DNAI2: variants seen among roughly 807,000 people sequenced by gnomAD.
DNAI2 encodes the protein dynein axonemal intermediate chain 2.
DNAI2 carries 63 observed loss-of-function variants against 74.7 expected under a neutral mutation model. The observed-to-expected ratio is 0.84, with a 90% CI of 0.69 to 1.04. The LOEUF (loss-of-function observed/expected upper bound fraction) is 1.04. DNAI2 is among the 50% of genes least tolerant of loss of function. The pLI is 0.00. For missense variants in DNAI2, 688 were observed against 803.2 expected (o/e 0.86, Z 1.73); for synonymous variants, 289 against 314.9 (o/e 0.92, Z 0.87).
At chr17:74,275,537 C>T (rs2051015898) in intron 1 of DNAI2, among the ~76,000 whole-genome samples, 2 of 152,246 alleles carry the variant, frequency 1.3e-5, no homozygotes, top group South Asian at 4.1e-4. Flanking sequence ...CCAGCCTGCC[C>T]AACATGGTGA....
chr17:74,305,188 G>T (rs1482522101), intron 8 of DNAI2, 31 bp from the exon 9 acceptor site: 1 of 1,610,788 alleles, frequency 6.2e-7, no homozygotes, highest in African/African-American at 1.3e-5. Flanking sequence ...GGTTCGTGGA[G>T]TCTTCCCCTC....
chr17:74,279,489 T>TAA (rs199832373), intron 1 of DNAI2, among the ~76,000 whole-genome samples: 1 of 151,304 alleles, frequency 6.6e-6, no homozygotes, highest in African/African-American at 2.4e-5. Flanking sequence ...AATTAAAAAT[T>TAA]AAAAAAAAAT....
chr17:74,291,461 G>T (rs1266742371), intron 6 of DNAI2, among the ~76,000 whole-genome samples: 1 of 152,228 alleles, frequency 6.6e-6, no homozygotes, highest in Admixed American at 6.5e-5. Context: ...ACCACACCTG[G>T]CCGGGACCCA....
rs1440997356 is a variant in DNAI2, at chr17:74,311,904, C to T, written c.1495-99C>T. The stretch of plus-strand genomic sequence containing the variant: ...TACAGTACAGGGACTGTATGGAGAG[C>T]AAGGAGAGCTCAGCAGAAGCCCCAC... On this transcript the variant is annotated intron_variant, in intron 11 of 13. Coordinates refer to ENST00000311014, the MANE Select transcript of DNAI2 (RefSeq NM_023036.6). 6 of 1,139,244 alleles carry T rather than the reference C, an allele frequency of 5.3e-6. No individual in the cohort carries two copies. The East Asian group carries it at 1.5e-4, about 29-fold the overall frequency. 70.6% of individuals were successfully genotyped at this position (1,139,244 alleles called of 1,614,324 possible). A position where few individuals can be genotyped will look rare whatever the true frequency, so the allele number is the denominator to read the frequency against.
chr17:74,308,156 A>G (rs1163873508), intron 9 of DNAI2, among the ~76,000 whole-genome samples: 1 of 152,128 alleles, frequency 6.6e-6, no homozygotes, highest in African/African-American at 2.4e-5. Flanking sequence ...TCAACACACT[A>G]GGTTTGCAAA....
chr17:74,307,814 T>G lies in DNAI2; in HGVS notation c.1212-1439T>G, dbSNP rs544546976. Among the ~76,000 whole-genome samples the G allele has an allele frequency of 2.5e-4, 38 of 152,286 alleles. No individual in the cohort carries two copies. The East Asian group carries it at 4.4e-3, about 18-fold the overall frequency. ...AAAAATCTCCAGATGTTTCTTTTTT[T>G]GGGGGGATGAAGTCTCTTTGTTGCC... On this transcript the variant is annotated intron_variant, in intron 9 of 13. Transcript: ENST00000311014.
At chr17:74,286,821 A>G (rs1054767214) in intron 3 of DNAI2, among the ~76,000 whole-genome samples, 156 bp from the exon 4 acceptor site, 5 of 152,156 alleles carry the variant, frequency 3.3e-5, no homozygotes, top group African/African-American at 1.2e-4. Flanking sequence ...TTTTACCCCC[A>G]GGAACCAATT....
At chr17:74,297,374 G>A (rs1239244636) in intron 6 of DNAI2, among the ~76,000 whole-genome samples, 2 of 150,398 alleles carry the variant, frequency 1.3e-5, no homozygotes, top group African/African-American at 2.5e-5. Flanking sequence ...TTACAGGCAT[G>A]AGCCACCGTG....
At chr17:74,294,772 G>A (rs2052336283) in intron 6 of DNAI2, among the ~76,000 whole-genome samples, 3 of 152,128 alleles carry the variant, frequency 2.0e-5, no homozygotes, top group Admixed American at 6.6e-5. Context: ...TCTTGGATGT[G>A]TAGATTATTT....
chr17:74,305,233 G>A lies in DNAI2; in HGVS notation c.1002G>A (p.Met334Ile). 3.7e-6 allele frequency: 6 copies of A among 1,614,172 alleles called. No homozygotes were observed. Among genetic ancestry groups the A allele is most frequent in the South Asian group, 2.2e-5 (2 of 91,080 alleles). ...EFESTLPTKF[M>I]VGTEQGIVIS... ...TCCTTCCACAGCCCACCAAGTTCAT[G>A]GTGGGGACCGAGCAGGGCATCGTCA... Residue 334 changes from methionine (M) to isoleucine (I), a missense_variant, in exon 9 of 14, where the codon ATG (methionine) becomes ATA (isoleucine). Transcript: ENST00000311014.
In DNAI2 at chr17:74,300,863, C is replaced by G. The variant is rs1325107888; in HGVS notation, c.865-183C>G. ...CTTGCCGGCGACTCTGATGATCAGCCAGGTGTGGGAACTGTGGACAGAACA... is the reference window on the plus strand; with the variant it reads ...CTTGCCGGCGACTCTGATGATCAGCGAGGTGTGGGAACTGTGGACAGAACA... On this transcript the variant is annotated intron_variant, in intron 7 of 13. Transcript: ENST00000311014. The surrounding 1 kb of genome is among the most constrained non-coding windows in gnomAD (Gnocchi z 4.5). Among the ~76,000 whole-genome samples, 1 of 152,198 alleles carries G rather than the reference C, an allele frequency of 6.6e-6. No individual in the cohort carries two copies. The highest frequency in any genetic ancestry group is 2.4e-5 in the African/African-American group (1 of 41,436).
chr17:74,310,086 C>T lies in DNAI2; in HGVS notation c.1417C>T (p.Leu473=). 6.2e-7 allele frequency: 1 copy of T among 1,613,922 alleles called. No individual in the cohort carries two copies. Among genetic ancestry groups the T allele is most frequent in the South Asian group, 1.1e-5 (1 of 91,088 alleles). ...GTGTCTCATCGCCTGCGGCTCCCAG[C>T]TGGGGACAACCACCCTGCTGGAGGT... ...NGCLIACGSQ[L]GTTTLLEVSP... Residue 473 remains leucine, a synonymous_variant, in exon 11 of 14, where the codon CTG becomes TTG. Transcript: ENST00000311014.
chr17:74,311,478 C>A (rs533885803), intron 11 of DNAI2, among the ~76,000 whole-genome samples: 5 of 152,274 alleles, frequency 3.3e-5, no homozygotes, highest in Admixed American at 2.0e-4. Context: ...CCAGGCATGG[C>A]GTCACATGCC....
intron 1 of DNAI2, among the ~76,000 whole-genome samples, chr17:74,280,865 T>A (rs568962159): frequency 6.6e-6 from 1 of 151,984 alleles, no homozygotes; most frequent in South Asian, 2.1e-4. Flanking sequence ...GGCAGGTGGA[T>A]CACTTGAGCC....
At chr17:74,278,485 T>C (rs2051213169) in intron 1 of DNAI2, among the ~76,000 whole-genome samples, 1 of 152,192 alleles carries the variant, frequency 6.6e-6, no homozygotes, top group African/African-American at 2.4e-5. Context: ...GTGCTGGGCA[T>C]GCAGGAAGCA....
Position 74,300,844 on chromosome 17 carries a change from G to A in DNAI2, c.865-202G>A, listed in dbSNP as rs758658409. On this transcript the variant is annotated intron_variant, in intron 7 of 13. Transcript: ENST00000311014. This position sits in a 1 kb window ranked among gnomAD's most constrained non-coding sequence, Gnocchi z 4.5. The stretch of plus-strand genomic sequence containing the variant: ...GCATCTGGGTTGTATGAAGCTTGCC[G>A]GCGACTCTGATGATCAGCCAGGTGT... 6.6e-6 allele frequency among the ~76,000 whole-genome samples: 1 copy of A among 152,184 alleles called. No individual in the cohort carries two copies.
At chr17:74,290,993 TG>T in intron 5 of DNAI2, 26 bp from the exon 6 acceptor site, 2 of 1,597,480 alleles carry the variant, frequency 1.3e-6, no homozygotes, top group Non-Finnish European at 1.7e-6. Context: ...CCGGGCCTGG[TG>T]GGGATAATTT....
intron 11 of DNAI2, among the ~76,000 whole-genome samples, chr17:74,311,404 G>A (rs539205013): frequency 3.9e-5 from 6 of 152,176 alleles, no homozygotes; most frequent in South Asian, 4.2e-4. Context: ...ACCTGAGGTC[G>A]GGAGTTCGAG....
chr17:74,287,172 C>T (rs1400111555), intron 4 of DNAI2, 74 bp downstream of exon 4: 17 of 1,584,390 alleles, frequency 1.1e-5, no homozygotes, highest in Non-Finnish European at 1.2e-5. Context: ...AAGGCAACTC[C>T]TTGCCATCGC....
Sources: gnomAD v4.1 joint callset for allele counts (sites outside exome capture counted in the v4.1 genomes callset) on GRCh38, gnomAD v4.1.1 for gene constraint, Gnocchi (gnomAD v3.1) non-coding constraint, MANE v1.5 for transcripts, NCBI Gene and HGNC (gene_info 2026-07-23, HGNC 2026-07-21) for gene names.